Variants in OXR1 observed in about 807,000 individuals in gnomAD.
The protein encoded by OXR1 is oxidation resistance protein 1.
OXR1 carries 41 observed loss-of-function variants against 104.6 expected under a neutral mutation model. That is an observed-to-expected ratio of 0.39 (90% CI 0.31 to 0.51). The LOEUF is 0.51. Ranked by LOEUF, OXR1 falls within the 20% of genes least tolerant of loss-of-function variation. The pLI is 0.77. For missense variants in OXR1, 955 were observed against 1,031.9 expected, an observed-to-expected ratio of 0.93 and a Z score of 1.02; for synonymous variants, 348 against 348.4, an observed-to-expected ratio of 1.00 and a Z score of 0.01.
chr8:106,537,155 CATA>C (rs1019588592), intron 3 of OXR1, among the ~76,000 whole-genome samples: 41 of 152,172 alleles, frequency 2.7e-4, no homozygotes, highest in African/African-American at 9.9e-4. Flanking sequence ...GCTTCACCCT[CATA>C]ATATAACTAC....
chr8:106,704,526 T>G (rs1315468335), intron 8 of OXR1, among the ~76,000 whole-genome samples: 1 of 149,026 alleles, frequency 6.7e-6, no homozygotes, highest in Non-Finnish European at 1.5e-5. Flanking sequence ...GCCTTCCGAG[T>G]AGCTGAGAAT....
intron 2 of OXR1, among the ~76,000 whole-genome samples, chr8:106,365,034 A>G (rs1426524099): frequency 6.6e-6 from 1 of 152,210 alleles, no homozygotes; most frequent in Non-Finnish European, 1.5e-5. Context: ...AACAATGTGG[A>G]TAAATAGAGA....
chr8:106,491,739 C>T (rs1169950929), intron 2 of OXR1, among the ~76,000 whole-genome samples: 1 of 152,110 alleles, frequency 6.6e-6, no homozygotes, highest in Non-Finnish European at 1.5e-5. Context: ...TGTGTGACTT[C>T]TGGCAATTGT....
At chr8:106,506,429 T>C (rs180970600) in intron 2 of OXR1, among the ~76,000 whole-genome samples, 2,736 of 152,112 alleles carry the variant, frequency 0.018, 40 homozygotes, top group Non-Finnish European at 0.025. Flanking sequence ...CTGGCTAACA[T>C]GGTGAAACCC....
chr8:106,276,738 A>G (rs1197226503), intron 1 of OXR1, among the ~76,000 whole-genome samples: 1 of 144,446 alleles, frequency 6.9e-6, no homozygotes, highest in Non-Finnish European at 1.5e-5. Context: ...TTCAGCTGTT[A>G]GATTCTGTTA....
intron 2 of OXR1, among the ~76,000 whole-genome samples, chr8:106,407,311 C>T (rs72678568): frequency 3.5e-4 from 54 of 152,224 alleles, no homozygotes; most frequent in Non-Finnish European, 7.1e-4. Flanking sequence ...AGTGAGTTCT[C>T]CTTTGAATCT....
intron 2 of OXR1, among the ~76,000 whole-genome samples, chr8:106,500,196 C>T (rs1486341596): frequency 6.6e-6 from 1 of 151,758 alleles, no homozygotes; most frequent in African/African-American, 2.4e-5. Flanking sequence ...AGAGAAAGAC[C>T]CTCTCATATT....
chr8:106,619,259 G>A (rs148482280), intron 3 of OXR1, among the ~76,000 whole-genome samples: 1 of 152,260 alleles, frequency 6.6e-6, no homozygotes, highest in African/African-American at 2.4e-5. Context: ...ATAAATTTAT[G>A]AGCATAATGC....
chr8:106,362,162 A>G (rs1816275760), intron 2 of OXR1, among the ~76,000 whole-genome samples: 4 of 151,898 alleles, frequency 2.6e-5, no homozygotes, highest in Non-Finnish European at 4.4e-5. Flanking sequence ...CTTCTGCCAG[A>G]CTCTGTCTGC....
chr8:106,568,000 C>G (rs1817205930), intron 3 of OXR1, among the ~76,000 whole-genome samples: 1 of 152,094 alleles, frequency 6.6e-6, no homozygotes. Context: ...GAAAAAGTTT[C>G]TTAGCCTTCC....
At chr8:106,584,444 C>A (rs1055331998) in intron 3 of OXR1, among the ~76,000 whole-genome samples, 1 of 151,986 alleles carries the variant, frequency 6.6e-6, no homozygotes, top group Non-Finnish European at 1.5e-5. Context: ...GGCTCACACT[C>A]AGGCATATTA....
intron 1 of OXR1, among the ~76,000 whole-genome samples, chr8:106,273,244 GAA>G (rs34496444): frequency 2.3e-5 from 3 of 129,506 alleles, no homozygotes; most frequent in Admixed American, 7.6e-5. Context: ...TCATTACAAA[GAA>G]AAAAAAAAAA....
intron 2 of OXR1, among the ~76,000 whole-genome samples, chr8:106,430,830 A>G (rs1480742533): frequency 6.6e-6 from 1 of 152,164 alleles, no homozygotes; most frequent in East Asian, 1.9e-4. Flanking sequence ...TATCTTATGG[A>G]CTACAGTAAT....
At chr8:106,477,607 A>T (rs1821877670) in intron 2 of OXR1, among the ~76,000 whole-genome samples, 1 of 151,992 alleles carries the variant, frequency 6.6e-6, no homozygotes. Context: ...TATTTTATGC[A>T]TTTGTGACAT....
intron 2 of OXR1, among the ~76,000 whole-genome samples, chr8:106,491,593 GT>G (rs1811090096): frequency 6.6e-6 from 1 of 152,158 alleles, no homozygotes; most frequent in Non-Finnish European, 1.5e-5. Context: ...GAAATTTCTA[GT>G]TTTCAAGCCT....
intron 2 of OXR1, among the ~76,000 whole-genome samples, chr8:106,426,846 G>A (rs1263810095): frequency 6.6e-6 from 1 of 152,170 alleles, no homozygotes; most frequent in Non-Finnish European, 1.5e-5. Context: ...ATTATAATCA[G>A]CGATTTGTGA....
chr8:106,320,676 T>C (rs1043236017), intron 1 of OXR1, among the ~76,000 whole-genome samples: 1 of 128,894 alleles, frequency 7.8e-6, no homozygotes, highest in East Asian at 2.0e-4. Flanking sequence ...ATTCTTCTTT[T>C]TTTGGGGGGG....
chr8:106,513,301 A>G (rs928695116), intron 2 of OXR1, among the ~76,000 whole-genome samples: 9 of 151,980 alleles, frequency 5.9e-5, no homozygotes, highest in African/African-American at 2.2e-4. Context: ...GAAAGTCAAG[A>G]TCCCTCCTCA....
At chr8:106,382,879 A>G (rs901173878) in intron 2 of OXR1, among the ~76,000 whole-genome samples, 9 of 151,970 alleles carry the variant, frequency 5.9e-5, no homozygotes, top group Admixed American at 2.6e-4. Context: ...AATTTACCCA[A>G]GTAAGCGGAG....
Sources: allele counts gnomAD v4.1 joint callset (sites outside exome capture counted in the v4.1 genomes callset), GRCh38; gene constraint gnomAD v4.1.1; transcripts MANE v1.5; gene names NCBI Gene and HGNC (gene_info 2026-07-23, HGNC 2026-07-21).